TMTC1: variants seen among roughly 807,000 people sequenced by gnomAD.
The protein encoded by TMTC1 is protein O-mannosyl-transferase TMTC1.
TMTC1 carries 73 observed loss-of-function variants against 104.8 expected under a neutral mutation model. That is an observed-to-expected ratio of 0.70 (90% confidence interval 0.58 to 0.85). The LOEUF (loss-of-function observed/expected upper bound fraction) is 0.85. Ranked by LOEUF, TMTC1 falls within the 40% of genes least tolerant of loss-of-function variation. The pLI, the probability that TMTC1 is intolerant of heterozygous loss-of-function variation, is 0.00. For missense variants in TMTC1, 1,035 were observed against 1,096.1 expected, an observed-to-expected ratio of 0.94 and a Z score of 0.79; for synonymous variants, 434 against 428.7, an observed-to-expected ratio of 1.01 and a Z score of -0.15.
At chr12:29,522,248 C>A (rs1035975782) in intron 11 of TMTC1, among the ~76,000 whole-genome samples, 1 of 152,064 alleles carries the variant, frequency 6.6e-6, no homozygotes, top group African/African-American at 2.4e-5. Flanking sequence ...GAACAATAAG[C>A]CAAGAAGCCC....
At chr12:29,612,059 C>G (rs1444529965) in intron 6 of TMTC1, among the ~76,000 whole-genome samples, 1 of 152,138 alleles carries the variant, frequency 6.6e-6, no homozygotes, top group Non-Finnish European at 1.5e-5. Context: ...AAACTGAGGT[C>G]TGAGTCACTC....
At chr12:29,689,242 A>T (rs968057545) in intron 5 of TMTC1, among the ~76,000 whole-genome samples, 1 of 150,462 alleles carries the variant, frequency 6.6e-6, no homozygotes, top group African/African-American at 2.4e-5. Context: ...AAAATAAGCC[A>T]TTTTGCTTAA....
chr12:29,514,284 C>T (rs1343705746), intron 16 of TMTC1, among the ~76,000 whole-genome samples, 198 bp downstream of exon 16: 1 of 152,084 alleles, frequency 6.6e-6, no homozygotes, highest in Admixed American at 6.5e-5. Context: ...AAATGCGCAA[C>T]TCTGATTCAG....
Position 29,572,131 on chromosome 12 carries a change from C to T in TMTC1, c.1506G>A (p.Ala502=), listed in dbSNP as rs568144280. Residue 502 remains alanine, a synonymous_variant, in exon 9 of 18, where the codon GCG becomes GCA. Transcript: ENST00000539277. ...FLKDQGRNKE[A]IYHYRTALKL... ...TGAGAGCTGTTCTGTAGTGGTAGAT[C>T]GCTTCCTTGTTCCGACCTTGGTCCT... 51 of 1,613,936 alleles carry T rather than the reference C, an allele frequency of 3.2e-5. No individual in the cohort carries two copies. The South Asian group carries it at 3.7e-4, about 12-fold the overall frequency.
At chr12:29,580,736 T>G (rs914560753) in intron 8 of TMTC1, among the ~76,000 whole-genome samples, 2 of 152,202 alleles carry the variant, frequency 1.3e-5, no homozygotes, top group Admixed American at 6.5e-5. Flanking sequence ...CTTTTAATAC[T>G]CAGCTCAGAC....
chr12:29,524,610 C>T (rs1353592421), intron 11 of TMTC1, among the ~76,000 whole-genome samples: 1 of 152,078 alleles, frequency 6.6e-6, no homozygotes, highest in Non-Finnish European at 1.5e-5. Flanking sequence ...AGAATTATGT[C>T]TAGAAGAGTG....
chr12:29,517,503 C>G lies in TMTC1; in HGVS notation c.2093G>C (p.Arg698Pro). The G allele has an allele frequency of 1.2e-6, 2 of 1,614,092 alleles. No individual in the cohort carries two copies. The highest frequency in any genetic ancestry group is 1.7e-6 in the Non-Finnish European group (2 of 1,180,014). ...PLGALYYNTG[R>P]YEEALQIYQE... ...GTAAATCTGCAAAGCCTCTTCGTAT[C>G]GGCCAGTGTTGTAATACAGTGCTCC... The change falls in exon 14 of 18, where the codon CGA becomes CCA. Residue 698 changes from arginine (R) to proline (P), a missense_variant. Arg to Pro is a moderately radical substitution (Grantham distance 103, BLOSUM62 -2). Transcript: ENST00000539277.
At chr12:29,520,563 T>G in intron 12 of TMTC1, 55 bp downstream of exon 12, 1 of 1,446,136 alleles carries the variant, frequency 6.9e-7, no homozygotes, top group Non-Finnish European at 9.6e-7. Flanking sequence ...CCATTTTGCT[T>G]GATAAATTGT....
intron 2 of TMTC1, 108 bp from the exon 3 acceptor site, chr12:29,758,885 T>C (rs1289579170): frequency 3.1e-6 from 3 of 965,370 alleles, no homozygotes; most frequent in Non-Finnish European, 4.4e-6. Context: ...ATGGAAGATA[T>C]AATAAAATAG....
chr12:29,602,367 C>T lies in TMTC1; in HGVS notation c.1250+1811G>A, dbSNP rs1188739616. Reference sequence around the variant, plus strand: ...CCATGTTGCCCAGGCTGGCCTCAAACTCCTGGGTTCAAGTGATATACATGC... The same window carrying T: ...CCATGTTGCCCAGGCTGGCCTCAAATTCCTGGGTTCAAGTGATATACATGC... On this transcript the variant is annotated intron_variant, in intron 7 of 17. Coordinates refer to ENST00000539277, the MANE Select transcript of TMTC1 (RefSeq NM_001193451.2). Among the ~76,000 whole-genome samples, 3 of 152,160 alleles carry T rather than the reference C, an allele frequency of 2.0e-5. No individual in the cohort carries two copies. In the East Asian group the frequency reaches 5.8e-4, roughly 29 times the overall value.
chr12:29,741,092 C>T (rs1942812500), intron 5 of TMTC1, among the ~76,000 whole-genome samples: 1 of 152,128 alleles, frequency 6.6e-6, no homozygotes, highest in South Asian at 2.1e-4. Context: ...TGCCAATGTG[C>T]AACTTTACTA....
chr12:29,766,771 G>T (rs1943473876), intron 2 of TMTC1, among the ~76,000 whole-genome samples: 1 of 152,096 alleles, frequency 6.6e-6, no homozygotes, highest in African/African-American at 2.4e-5. Context: ...TGAAACTCTG[G>T]AAAAGAGTCT....
chr12:29,778,059 T>C (rs1177343918), intron 1 of TMTC1, among the ~76,000 whole-genome samples: 1 of 152,256 alleles, frequency 6.6e-6, no homozygotes, highest in Non-Finnish European at 1.5e-5. Context: ...ATTAAAATGC[T>C]GTAAATTCCT....
chr12:29,543,382 A>G (rs1303387650), intron 10 of TMTC1, among the ~76,000 whole-genome samples: 3 of 152,236 alleles, frequency 2.0e-5, no homozygotes, highest in Admixed American at 2.0e-4. Flanking sequence ...TGACATATTC[A>G]TTTAAACTGA....
chr12:29,608,642 G>A (rs1208919246), intron 6 of TMTC1, among the ~76,000 whole-genome samples: 1 of 152,268 alleles, frequency 6.6e-6, no homozygotes, highest in East Asian at 1.9e-4. Context: ...GCTATTATAG[G>A]TGTTAGGTTT....
At chr12:29,595,163 C>T (rs995596870) in intron 7 of TMTC1, among the ~76,000 whole-genome samples, 3 of 152,160 alleles carry the variant, frequency 2.0e-5, no homozygotes, top group African/African-American at 7.2e-5. Flanking sequence ...CTGCTATTCA[C>T]CATTTAGAGC....
At chr12:29,768,117 A>G (rs752747106) in intron 1 of TMTC1, 42 bp from the exon 2 acceptor site, 1 of 1,415,634 alleles carries the variant, frequency 7.1e-7, no homozygotes, top group Non-Finnish European at 9.5e-7. Flanking sequence ...CATTAGCTAC[A>G]AACTCAACAT....
chr12:29,758,434 A>G (rs2136992835), intron 3 of TMTC1, among the ~76,000 whole-genome samples: 1 of 152,354 alleles, frequency 6.6e-6, no homozygotes, highest in South Asian at 2.1e-4. Context: ...CTCAGTAAGA[A>G]ACTACAAGTA....
intron 5 of TMTC1, among the ~76,000 whole-genome samples, chr12:29,699,646 G>T (rs1428390709): frequency 2.2e-5 from 3 of 139,530 alleles, no homozygotes; most frequent in Admixed American, 7.7e-5. Flanking sequence ...TCTTCATCTG[G>T]TGCTTTTTTT....
Sources: gnomAD v4.1 joint callset for allele counts (sites outside exome capture counted in the v4.1 genomes callset) on GRCh38, gnomAD v4.1.1 for gene constraint, MANE v1.5 for transcripts, NCBI Gene and HGNC (gene_info 2026-07-23, HGNC 2026-07-21) for gene names.